The following CSMD1 variants were observed in gnomAD, a reference collection of about 807,000 sequenced individuals.
The protein encoded by CSMD1 is CUB and sushi domain-containing protein 1.
In CSMD1, 213 loss-of-function variants were observed where a neutral mutation model predicts 417.5. The ratio of observed to expected loss-of-function variants is 0.51; its 90% CI spans 0.46 to 0.57. The LOEUF is 0.57. CSMD1 is among the 20% of genes least tolerant of loss of function. The pLI, the probability that CSMD1 is intolerant of heterozygous loss-of-function variation, is 0.00. For missense variants in CSMD1, 6,923 were observed against 4,529.7 expected (o/e 1.53, Z -15.17); for synonymous variants, 2,862 against 1,736.8 (o/e 1.65, Z -16.11).
intron 3 of CSMD1, among the ~76,000 whole-genome samples, chr8:4,032,320 T>C (rs575264367): frequency 6.6e-6 from 1 of 152,352 alleles, no homozygotes; most frequent in East Asian, 1.9e-4. Flanking sequence ...TGTAAATAAA[T>C]GCATTTTGTT....
At chr8:4,559,134 C>T (rs939404798) in intron 2 of CSMD1, among the ~76,000 whole-genome samples, 2 of 152,144 alleles carry the variant, frequency 1.3e-5, no homozygotes, top group Non-Finnish European at 2.9e-5. Context: ...CGCAAATAGG[C>T]CCTTGCTTGG....
intron 1 of CSMD1, among the ~76,000 whole-genome samples, chr8:4,743,823 C>G (rs1013900437): frequency 2.0e-5 from 3 of 152,130 alleles, no homozygotes; most frequent in African/African-American, 7.2e-5. Context: ...ACCTCTTTAT[C>G]GCAAAAGCAA....
At position 4,060,032 on chromosome 8, in the gene CSMD1, C is replaced by T. The variant is rs1361529147; in HGVS notation, c.416-27933G>A. On this transcript the variant is annotated intron_variant, in intron 3 of 69. Coordinates refer to ENST00000635120, the MANE Select transcript of CSMD1 (RefSeq NM_033225.6). ...CCAATATCCTTGATGAAGTTTGATG[C>T]AAAAATCCTCAATAAAATACTGGCA... Among the ~76,000 whole-genome samples, 3 of 152,134 alleles carry T rather than the reference C, an allele frequency of 2.0e-5. 1 individual carries two copies. Among genetic ancestry groups the T allele is most frequent in the Non-Finnish European group, 4.4e-5 (3 of 68,048 alleles).
intron 3 of CSMD1, among the ~76,000 whole-genome samples, chr8:4,206,988 A>G (rs1800017333): frequency 6.6e-6 from 1 of 152,172 alleles, no homozygotes; most frequent in African/African-American, 2.4e-5. Context: ...TTATAAATCT[A>G]TAAAAATGTT....
intron 3 of CSMD1, among the ~76,000 whole-genome samples, chr8:4,227,312 C>G (rs923351187): frequency 4.1e-4 from 63 of 152,076 alleles, no homozygotes; most frequent in African/African-American, 1.4e-3. Flanking sequence ...CTGTCGTGGC[C>G]TCTCCCACCA....
intron 14 of CSMD1, 132 bp from the exon 15 acceptor site, chr8:3,406,353 A>G: frequency 1.6e-6 from 1 of 644,242 alleles, no homozygotes; most frequent in African/African-American, 2.3e-5. Context: ...TTTCAGTTGT[A>G]TCATTCATAG....
intron 4 of CSMD1, among the ~76,000 whole-genome samples, chr8:4,029,038 A>G (rs747780738): frequency 1.3e-5 from 2 of 152,206 alleles, no homozygotes; most frequent in African/African-American, 2.4e-5. Context: ...CTAACTTACA[A>G]TCACCTTATC....
chr8:4,019,399 G>C (rs914915497), intron 4 of CSMD1, among the ~76,000 whole-genome samples: 3 of 152,138 alleles, frequency 2.0e-5, no homozygotes, highest in African/African-American at 4.8e-5. Flanking sequence ...ATACTACCAA[G>C]TCTGCTTTTA....
intron 1 of CSMD1, among the ~76,000 whole-genome samples, chr8:4,864,692 G>T (rs1458590926): frequency 6.6e-6 from 1 of 151,546 alleles, no homozygotes; most frequent in East Asian, 1.9e-4. Flanking sequence ...TTAAATAAAG[G>T]TCTCTGCAGA....
chr8:4,980,687 G>C (rs374592305), intron 1 of CSMD1, among the ~76,000 whole-genome samples: 49 of 152,270 alleles, frequency 3.2e-4, no homozygotes, highest in African/African-American at 1.1e-3. Flanking sequence ...TGGATCACTT[G>C]AGATCAGGAG....
intron 3 of CSMD1, among the ~76,000 whole-genome samples, chr8:4,130,886 T>A (rs926898303): frequency 1.3e-5 from 2 of 151,816 alleles, no homozygotes; most frequent in African/African-American, 4.8e-5. Flanking sequence ...TATGCTGAGA[T>A]AGGTAGAACA....
At chr8:4,453,753 C>G (rs1012650969) in intron 2 of CSMD1, among the ~76,000 whole-genome samples, 6 of 151,066 alleles carry the variant, frequency 4.0e-5, no homozygotes, top group African/African-American at 1.5e-4. Flanking sequence ...TTCCGGGTCC[C>G]CATTTGAGCG....
chr8:4,841,144 G>T (rs560336714), intron 1 of CSMD1, among the ~76,000 whole-genome samples: 1 of 152,294 alleles, frequency 6.6e-6, no homozygotes, highest in South Asian at 2.1e-4. Context: ...ATTACTGAAT[G>T]CATATATAAA....
At chr8:3,340,512 A>G (rs574722666) in intron 23 of CSMD1, among the ~76,000 whole-genome samples, 11 of 152,212 alleles carry the variant, frequency 7.2e-5, no homozygotes, top group African/African-American at 1.2e-4. Context: ...GCAATTAACT[A>G]TCAAGAGGCA....
At chr8:3,061,375 T>C (rs980804932) in intron 49 of CSMD1, among the ~76,000 whole-genome samples, 2 of 152,248 alleles carry the variant, frequency 1.3e-5, no homozygotes, top group South Asian at 4.1e-4. Flanking sequence ...GGTTTTTAAA[T>C]GAAGGTCAGC....
chr8:4,233,695 T>G (rs1293427442), intron 3 of CSMD1, among the ~76,000 whole-genome samples: 1 of 152,126 alleles, frequency 6.6e-6, no homozygotes, highest in East Asian at 1.9e-4. Flanking sequence ...TGTATGGAAT[T>G]TTGGTACAGC....
At chr8:4,055,871 A>G (rs1032403748) in intron 3 of CSMD1, among the ~76,000 whole-genome samples, 2 of 152,098 alleles carry the variant, frequency 1.3e-5, no homozygotes, top group Non-Finnish European at 1.5e-5. Context: ...ATTTAAACAT[A>G]CCAAAATAGC....
At chr8:4,159,715 A>T (rs1464892894) in intron 3 of CSMD1, among the ~76,000 whole-genome samples, 1 of 152,074 alleles carries the variant, frequency 6.6e-6, no homozygotes. Flanking sequence ...CAGCCTCCCG[A>T]GCAGCTGGGA....
intron 1 of CSMD1, among the ~76,000 whole-genome samples, chr8:4,912,080 C>G (rs1259872472): frequency 7.1e-6 from 1 of 140,432 alleles, no homozygotes; most frequent in Non-Finnish European, 1.5e-5. Context: ...CCAGTTCTTT[C>G]CAATTTCAGA....
Sources: allele counts gnomAD v4.1 joint callset (sites outside exome capture counted in the v4.1 genomes callset), GRCh38; gene constraint gnomAD v4.1.1; transcripts MANE v1.5; gene names NCBI Gene and HGNC (gene_info 2026-07-23, HGNC 2026-07-21).